Variants in UMPS observed in about 807,000 individuals in gnomAD.
UMPS encodes uridine 5'-monophosphate synthase.
Under a neutral mutation model 38.9 loss-of-function variants are expected in UMPS, and 21 were observed. The observed-to-expected ratio is 0.54, with a 90% CI of 0.38 to 0.78. UMPS has a LOEUF of 0.78. UMPS is among the 30% of genes least tolerant of loss of function. The pLI is 0.00. For synonymous variants in UMPS, 208 were observed against 219.3 expected (o/e 0.95, Z 0.45); for missense variants, 533 against 591.6 (o/e 0.90, Z 1.03).
At chr3:124,741,366 G>A (rs768024387) in intron 4 of UMPS, among the ~76,000 whole-genome samples, 4 of 152,158 alleles carry the variant, frequency 2.6e-5, no homozygotes, top group Non-Finnish European at 5.9e-5. Context: ...AAATAAGAAG[G>A]GAAGTATGGG....
chr3:124,737,596 T>G lies in UMPS; in HGVS notation c.339T>G (p.Ile113Met), dbSNP rs745320534. 1.2e-6 allele frequency: 2 copies of G among 1,614,252 alleles called. No homozygotes were observed. Among genetic ancestry groups the G allele is most frequent in the South Asian group, 2.2e-5 (2 of 91,084 alleles). ...CTAAGCGTCTTGTAGAAGGAACTATTAATCCAGGAGAAACCTGTTTAATCA... is the reference window on the plus strand; with the variant it reads ...CTAAGCGTCTTGTAGAAGGAACTATGAATCCAGGAGAAACCTGTTTAATCA... ...YGTKRLVEGT[I>M]NPGETCLIIE... The change falls in exon 3 of 6, where the codon ATT (isoleucine) becomes ATG (methionine). Residue 113 changes from isoleucine to methionine, a missense_variant. Physicochemically the swap from Ile to Met is conservative, Grantham distance 10. Coordinates refer to ENST00000232607, the MANE Select transcript of UMPS (RefSeq NM_000373.4).
At chr3:124,743,828 C>G in intron 5 of UMPS, 87 bp from the exon 6 acceptor site, 3 of 1,541,236 alleles carry the variant, frequency 1.9e-6, no homozygotes, top group Non-Finnish European at 2.7e-6. Context: ...TTATTTAAAG[C>G]TGGTTAGATA....
chr3:124,739,657 T>C (rs561071533), intron 3 of UMPS, among the ~76,000 whole-genome samples: 8 of 152,294 alleles, frequency 5.3e-5, no homozygotes, highest in Admixed American at 5.2e-4. Context: ...TTAAATGTTA[T>C]CCTTGACATC....
intron 5 of UMPS, among the ~76,000 whole-genome samples, chr3:124,743,506 C>G (rs1348908800): frequency 1.4e-5 from 2 of 145,048 alleles, no homozygotes; most frequent in African/African-American, 5.1e-5. Context: ...GGCGTGGTGG[C>G]AGGCGCCTGT....
chr3:124,736,617 T>TA lies in UMPS; in HGVS notation c.311-942dup, dbSNP rs199651538. Reference sequence around the variant, plus strand: ...TGCACCCAGCTGAGACTTTCTGAGCTAAAAAAAAACTGTATGAATCCCTAC... The same window carrying TA: ...TGCACCCAGCTGAGACTTTCTGAGCTAAAAAAAAAACTGTATGAATCCCTAC... On this transcript the variant is annotated intron_variant, in intron 2 of 5. Coordinates refer to ENST00000232607, the MANE Select transcript of UMPS (RefSeq NM_000373.4). 1.2e-3 allele frequency among the ~76,000 whole-genome samples: 185 copies of TA among 151,374 alleles called. 2 individuals carry two copies. Among genetic ancestry groups the TA allele is most frequent in the African/African-American group, 3.6e-3 (150 of 41,288 alleles).
chr3:124,735,929 A>G (rs2063515272), intron 2 of UMPS, among the ~76,000 whole-genome samples: 1 of 151,974 alleles, frequency 6.6e-6, no homozygotes. Context: ...ATGAGCTGAG[A>G]TTGCGCCACT....
At chr3:124,731,528 C>G in intron 1 of UMPS, 2 of 435,916 alleles carry the variant, frequency 4.6e-6, no homozygotes, top group South Asian at 3.3e-5. Context: ...TTACGTCACC[C>G]AGGCTGGAGT....
intron 2 of UMPS, among the ~76,000 whole-genome samples, chr3:124,736,984 A>G (rs1036327732): frequency 4.6e-5 from 7 of 152,344 alleles, no homozygotes; most frequent in Admixed American, 3.9e-4. Context: ...TCAAAAAGTC[A>G]ATTATTTGGC....
At position 124,744,583 on chromosome 3, in the gene UMPS, T is replaced by G. The variant is rs2150902953; in HGVS notation, c.*499T>G. ...ACCACCACGTCCATCTAAATTTCTT[T>G]ATTATTTGTAGAGATGAGGTCTTGC... On this transcript the variant is annotated 3_prime_UTR_variant, in exon 6 of 6. Transcript: ENST00000232607. 2.2e-6 allele frequency: 1 copy of G among 453,908 alleles called. No individual in the cohort carries two copies. Among genetic ancestry groups the G allele is most frequent in the South Asian group, 1.6e-5 (1 of 64,430 alleles). 28.1% of individuals were successfully genotyped at this position (453,908 alleles called of 1,614,324 possible).
intron 3 of UMPS, 163 bp downstream of exon 3, chr3:124,738,402 A>C: frequency 1.4e-6 from 1 of 715,824 alleles, no homozygotes; most frequent in Non-Finnish European, 2.4e-6. Context: ...CTTTCTCTCC[A>C]TCTCTCAGCT....
chr3:124,747,578 G>A lies in UMPS; in HGVS notation c.*3494G>A, dbSNP rs575063959. 700 of 452,904 alleles carry A rather than the reference G, an allele frequency of 1.5e-3. 22 individuals are homozygous for A. The highest frequency in any genetic ancestry group is 1.0e-2 in the South Asian group (644 of 64,470). 28.1% of individuals were successfully genotyped at this position (452,904 alleles called of 1,614,324 possible). Reference sequence around the variant, plus strand: ...AGCAGAGCCTACTCCAGCCTCCCCCGTCCAATGTATGAAAGCCCCAGCTGA... The same window carrying A: ...AGCAGAGCCTACTCCAGCCTCCCCCATCCAATGTATGAAAGCCCCAGCTGA... On this transcript the variant is annotated 3_prime_UTR_variant, in exon 6 of 6. Transcript: ENST00000232607.
At chr3:124,739,016 TAA>T (rs1358189055) in intron 3 of UMPS, among the ~76,000 whole-genome samples, 3 of 152,262 alleles carry the variant, frequency 2.0e-5, no homozygotes, top group Non-Finnish European at 1.5e-5. Context: ...TGCATGTTCA[TAA>T]GCTATTTCTT....
intron 1 of UMPS, among the ~76,000 whole-genome samples, chr3:124,733,064 C>T (rs1390479675): frequency 6.6e-6 from 1 of 151,258 alleles, no homozygotes; most frequent in East Asian, 1.9e-4. Flanking sequence ...AACTTCTTTT[C>T]ACATCTTATG....
chr3:124,739,059 C>G (rs1298209269), intron 3 of UMPS, among the ~76,000 whole-genome samples: 1 of 152,212 alleles, frequency 6.6e-6, no homozygotes, highest in East Asian at 1.9e-4. Flanking sequence ...GTGACTTCTT[C>G]ATGTGCTTAA....
intron 3 of UMPS, 36 bp downstream of exon 3, chr3:124,738,275 A>G: frequency 6.2e-7 from 1 of 1,603,578 alleles, no homozygotes. Context: ...AAGAATCAGA[A>G]ATCCAGCTTA....
chr3:124,748,964 G>A lies in UMPS; in HGVS notation c.*4880G>A, dbSNP rs1005267010. On this transcript the variant is annotated 3_prime_UTR_variant, in exon 6 of 6. Coordinates refer to ENST00000232607, the MANE Select transcript of UMPS (RefSeq NM_000373.4). ...GAAGTGGACGGGCCGCACAACCAAGGTTCTCATGAGGACAACCATGTCTTC... is the reference window on the plus strand; with the variant it reads ...GAAGTGGACGGGCCGCACAACCAAGATTCTCATGAGGACAACCATGTCTTC... 1 of 454,014 alleles carries A rather than the reference G, an allele frequency of 2.2e-6. No individual in the cohort carries two copies. The highest frequency in any genetic ancestry group is 4.4e-6 in the Non-Finnish European group (1 of 226,724). 28.1% of individuals were successfully genotyped at this position (454,014 alleles called of 1,614,324 possible).
intron 1 of UMPS, among the ~76,000 whole-genome samples, chr3:124,734,674 A>G (rs1401513404): frequency 2.0e-5 from 3 of 152,098 alleles, no homozygotes; most frequent in Non-Finnish European, 2.9e-5. Flanking sequence ...TACCCCCACT[A>G]GTTTATTACT....
intron 1 of UMPS, among the ~76,000 whole-genome samples, 154 bp from the exon 2 acceptor site, chr3:124,734,939 T>G (rs568192555): frequency 1.3e-5 from 2 of 152,300 alleles, no homozygotes; most frequent in African/African-American, 2.4e-5. Context: ...GAGAATCACT[T>G]GAACCTGGGA....
At chr3:124,736,833 G>A (rs4678147) in intron 2 of UMPS, among the ~76,000 whole-genome samples, 83,509 of 151,998 alleles carry the variant, frequency 0.55, 23,565 homozygotes, top group Admixed American at 0.67. Flanking sequence ...AGTTATTTAC[G>A]TTTTGTAGAT....
Sources: gnomAD v4.1 joint callset for allele counts (sites outside exome capture counted in the v4.1 genomes callset) on GRCh38, gnomAD v4.1.1 for gene constraint, MANE v1.5 for transcripts, NCBI Gene and HGNC (gene_info 2026-07-23, HGNC 2026-07-21) for gene names.